QDPR: variants seen among roughly 807,000 people sequenced by gnomAD.
QDPR encodes dihydropteridine reductase.
A neutral mutation model predicts 31.7 loss-of-function variants in QDPR; 23 were observed. The observed-to-expected ratio is 0.73, with a 90% CI of 0.52 to 1.03. The LOEUF (loss-of-function observed/expected upper bound fraction) is 1.03. Among genes scored for constraint, QDPR ranks in the 50% least tolerant of loss-of-function variants. The probability of loss-of-function intolerance (pLI) is 0.00; values close to 1 mark genes in which losing one functional copy is unlikely to be tolerated. For synonymous variants in QDPR, 124 were observed against 124.7 expected, an observed-to-expected ratio of 0.99 and a Z score of 0.03; for missense variants, 324 against 323.8, an observed-to-expected ratio of 1.00 and a Z score of 0.00.
intron 2 of QDPR, among the ~76,000 whole-genome samples, chr4:17,509,001 A>G (rs1489130264): frequency 1.3e-5 from 2 of 152,116 alleles, no homozygotes; most frequent in Non-Finnish European, 2.9e-5. Context: ...TACTGAAAAT[A>G]CAAAAAATTA....
intron 4 of QDPR, among the ~76,000 whole-genome samples, chr4:17,496,770 G>T: frequency 1.3e-5 from 2 of 150,946 alleles, no homozygotes. Context: ...TTTTTTGTTT[G>T]TTTGGAGACA....
chr4:17,497,389 C>T (rs1184555676), intron 4 of QDPR, among the ~76,000 whole-genome samples: 1 of 151,796 alleles, frequency 6.6e-6, no homozygotes, highest in African/African-American at 2.4e-5. Context: ...GCTCCCTCAA[C>T]AAAACCTTTT....
At chr4:17,511,626 T>G (rs914466758) in intron 1 of QDPR, among the ~76,000 whole-genome samples, 1 of 152,060 alleles carries the variant, frequency 6.6e-6, no homozygotes, top group African/African-American at 2.4e-5. Context: ...GAGCCTTCCT[T>G]CTACACTCTC....
chr4:17,510,166 C>A (rs1718954418), intron 1 of QDPR, among the ~76,000 whole-genome samples: 1 of 152,212 alleles, frequency 6.6e-6, no homozygotes, highest in Admixed American at 6.5e-5. Flanking sequence ...TGTACAAAAA[C>A]AGGTGGCAGA....
intron 6 of QDPR, chr4:17,489,973 C>G (rs535299699): frequency 6.2e-6 from 1 of 161,898 alleles, no homozygotes; most frequent in South Asian, 1.8e-4. Flanking sequence ...GACCCCAGAG[C>G]CGAGGGCAGC....
At chr4:17,504,790 A>G (rs1167313544) in intron 2 of QDPR, among the ~76,000 whole-genome samples, 3 of 152,150 alleles carry the variant, frequency 2.0e-5, no homozygotes, top group Admixed American at 1.3e-4. Flanking sequence ...AAAAAAAAGA[A>G]AAAAGCACCT....
At chr4:17,501,211 G>C (rs776597330) in intron 4 of QDPR, among the ~76,000 whole-genome samples, 1 of 152,092 alleles carries the variant, frequency 6.6e-6, no homozygotes, top group Non-Finnish European at 1.5e-5. Context: ...TGTAGAGATA[G>C]GGTCTCACTA....
At chr4:17,487,648 TAATA>T (rs759744284) in intron 6 of QDPR, among the ~76,000 whole-genome samples, 40 of 150,270 alleles carry the variant, frequency 2.7e-4, no homozygotes, top group East Asian at 2.2e-3. Flanking sequence ...TCACAAAAAA[TAATA>T]AATAAATAAA....
At chr4:17,494,695 A>T (rs1464301165) in intron 4 of QDPR, among the ~76,000 whole-genome samples, 1 of 152,176 alleles carries the variant, frequency 6.6e-6, no homozygotes, top group Non-Finnish European at 1.5e-5. Flanking sequence ...ATTGTCATTC[A>T]TGACTCTCAG....
At chr4:17,509,772 G>A (rs1718939246) in intron 1 of QDPR, among the ~76,000 whole-genome samples, 2 of 152,252 alleles carry the variant, frequency 1.3e-5, no homozygotes, top group African/African-American at 2.4e-5. Context: ...AGACAGGTAA[G>A]AGGCTTCAAT....
intron 1 of QDPR, among the ~76,000 whole-genome samples, chr4:17,510,574 G>A (rs1190777213): frequency 2.0e-5 from 3 of 152,190 alleles, no homozygotes; most frequent in African/African-American, 7.2e-5. Flanking sequence ...CCCTCCCTAA[G>A]ATGGCAGGAA....
chr4:17,510,845 G>C (rs749529078), intron 1 of QDPR, among the ~76,000 whole-genome samples: 3 of 152,210 alleles, frequency 2.0e-5, no homozygotes, highest in African/African-American at 7.2e-5. Flanking sequence ...ACCTGGGAAA[G>C]CGCCCTCATC....
chr4:17,499,656 A>G (rs28407193), intron 4 of QDPR, among the ~76,000 whole-genome samples: 5,642 of 152,328 alleles, frequency 0.037, 364 homozygotes, highest in African/African-American at 0.13. Context: ...GTAGTGGCTC[A>G]TGCCAGTAGT....
chr4:17,488,499 C>T (rs763064381), intron 6 of QDPR, among the ~76,000 whole-genome samples: 1 of 151,992 alleles, frequency 6.6e-6, no homozygotes, highest in Non-Finnish European at 1.5e-5. Flanking sequence ...GTAACAGGGC[C>T]TTTCACAAAT....
At chr4:17,494,058 G>A (rs1434265782) in intron 4 of QDPR, among the ~76,000 whole-genome samples, 1 of 152,122 alleles carries the variant, frequency 6.6e-6, no homozygotes, top group Non-Finnish European at 1.5e-5. Context: ...CTGGCTTCGT[G>A]TCCAGGCTCT....
intron 4 of QDPR, among the ~76,000 whole-genome samples, chr4:17,493,964 G>C (rs1283764258): frequency 6.6e-6 from 1 of 152,126 alleles, no homozygotes; most frequent in African/African-American, 2.4e-5. Flanking sequence ...ACTTAATTGT[G>C]AGCATACCCT....
rs1001901740 is a variant in QDPR at position 17,486,665 on chromosome 4, G to GTT, written c.*464_*465dup. 4 of 193,608 alleles carry GTT rather than the reference G, an allele frequency of 2.1e-5. No individual in the cohort carries two copies. The highest frequency in any genetic ancestry group is 5.3e-5 in the Admixed American group (1 of 18,830). 12.0% of individuals were successfully genotyped at this position (193,608 alleles called of 1,614,324 possible). ...AGGATACCAGGACAGAGTCCATGTA[G>GTT]TTTTGCTTATACCACAAAAGGAGTT... On this transcript the variant is annotated 3_prime_UTR_variant, in exon 7 of 7. Coordinates refer to ENST00000281243, the MANE Select transcript of QDPR (RefSeq NM_000320.3).
chr4:17,494,363 A>G (rs1452245853), intron 4 of QDPR, among the ~76,000 whole-genome samples: 1 of 152,144 alleles, frequency 6.6e-6, no homozygotes, highest in Non-Finnish European at 1.5e-5. Flanking sequence ...AGATGATCCC[A>G]AGTGGACTTT....
chr4:17,501,119 G>A (rs548151380), intron 4 of QDPR, among the ~76,000 whole-genome samples: 1 of 152,322 alleles, frequency 6.6e-6, no homozygotes, highest in African/African-American at 2.4e-5. Flanking sequence ...CATCTGGTCA[G>A]AGACTGAAGA....
Sources: gnomAD v4.1 joint callset for allele counts (sites outside exome capture counted in the v4.1 genomes callset) on GRCh38, gnomAD v4.1.1 for gene constraint, MANE v1.5 for transcripts, NCBI Gene and HGNC (gene_info 2026-07-23, HGNC 2026-07-21) for gene names.